AGPAT4: variants seen among roughly 807,000 people sequenced by gnomAD.
AGPAT4 encodes the protein 1-acyl-sn-glycerol-3-phosphate acyltransferase delta.
AGPAT4 carries 15 observed loss-of-function variants against 48.0 expected under a neutral mutation model. The ratio of observed to expected loss-of-function variants is 0.31; its 90% CI spans 0.21 to 0.48. The LOEUF is 0.48. Among genes scored for constraint, AGPAT4 ranks in the 20% least tolerant of loss-of-function variants. AGPAT4 has a pLI of 0.99. For synonymous variants in AGPAT4, 178 were observed against 198.7 expected, an observed-to-expected ratio of 0.90 and a Z score of 0.88; for missense variants, 314 against 482.5, an observed-to-expected ratio of 0.65 and a Z score of 3.27.
chr6:161,239,342 G>A (rs113109509), intron 1 of AGPAT4, among the ~76,000 whole-genome samples: 10 of 152,312 alleles, frequency 6.6e-5, no homozygotes, highest in African/African-American at 1.9e-4. Flanking sequence ...TAGGCAACAA[G>A]ATATCCTTAG....
intron 5 of AGPAT4, among the ~76,000 whole-genome samples, chr6:161,151,386 G>A (rs1259572112): frequency 2.6e-5 from 4 of 152,232 alleles, no homozygotes; most frequent in South Asian, 2.1e-4. Flanking sequence ...TTAACTCTCC[G>A]TGATGAACAG....
Position 161,270,600 on chromosome 6 carries a change from CT to C in AGPAT4, c.-90+3337del, listed in dbSNP as rs1783393034. The stretch of plus-strand genomic sequence containing the variant: ...CCTGGCCAATACAGTGAAATTCTAT[CT>C]CTACTAAAAATACAAAAAAATAAAA... On this transcript the variant is annotated intron_variant, in intron 1 of 8. Coordinates refer to ENST00000320285, the MANE Select transcript of AGPAT4 (RefSeq NM_020133.3). The surrounding 1 kb of genome is among the most constrained non-coding windows in gnomAD (Gnocchi z 5.3). 6.6e-6 allele frequency among the ~76,000 whole-genome samples: 1 copy of C among 152,050 alleles called. No individual in the cohort carries two copies. The highest frequency in any genetic ancestry group is 2.1e-4 in the South Asian group (1 of 4,828).
At chr6:161,256,728 T>A (rs1682443625) in intron 1 of AGPAT4, among the ~76,000 whole-genome samples, 2 of 152,204 alleles carry the variant, frequency 1.3e-5, no homozygotes, top group Non-Finnish European at 2.9e-5. Context: ...AGAAATCTGG[T>A]GGATTGCCAA....
At position 161,140,161 on chromosome 6, in the gene AGPAT4, C is replaced by T. The variant is rs1288005763; in HGVS notation, c.844-541G>A. Among the ~76,000 whole-genome samples the T allele has an allele frequency of 6.6e-6, 1 of 152,052 alleles. No homozygotes were observed. Among genetic ancestry groups the T allele is most frequent in the Non-Finnish European group, 1.5e-5 (1 of 67,962 alleles). ...TCGGGCAGCCCACCCGCACCTACCACCCTGTTTGCCACTGGAGGGCTCTGA... is the reference window on the plus strand; with the variant it reads ...TCGGGCAGCCCACCCGCACCTACCATCCTGTTTGCCACTGGAGGGCTCTGA... On this transcript the variant is annotated intron_variant, in intron 7 of 8. Coordinates refer to ENST00000320285, the MANE Select transcript of AGPAT4 (RefSeq NM_020133.3). This position sits in a 1 kb window ranked among gnomAD's most constrained non-coding sequence, Gnocchi z 6.5.
At position 161,264,012 on chromosome 6, in the gene AGPAT4, T is replaced by C. The variant is rs1272767737; in HGVS notation, c.-90+9926A>G. On this transcript the variant is annotated intron_variant, in intron 1 of 8. Coordinates refer to ENST00000320285, the MANE Select transcript of AGPAT4 (RefSeq NM_020133.3). The surrounding 1 kb of genome is among the most constrained non-coding windows in gnomAD (Gnocchi z 6.8). ...TTTCAAATTAGATTAGAGAAAATAA[T>C]TGGCAACCCACAGGGCTGGGGGCAA... 2.6e-5 allele frequency among the ~76,000 whole-genome samples: 4 copies of C among 152,082 alleles called. No individual in the cohort carries two copies. Among genetic ancestry groups the C allele is most frequent in the African/African-American group, 7.2e-5 (3 of 41,404 alleles).
In AGPAT4 at chr6:161,259,592, C is replaced by G. The variant is rs1363389260; in HGVS notation, c.-90+14346G>C. 6.6e-6 allele frequency among the ~76,000 whole-genome samples: 1 copy of G among 151,980 alleles called. No homozygotes were observed. The highest frequency in any genetic ancestry group is 1.5e-5 in the Non-Finnish European group (1 of 67,992). Reference sequence around the variant, plus strand: ...GGCTACAGCATTTGCCAGGCCTGGTCAAAATGAGAATGTGGGGTTCCTTCT... The same window carrying G: ...GGCTACAGCATTTGCCAGGCCTGGTGAAAATGAGAATGTGGGGTTCCTTCT... On this transcript the variant is annotated intron_variant, in intron 1 of 8. Transcript: ENST00000320285. This position sits in a 1 kb window ranked among gnomAD's most constrained non-coding sequence, Gnocchi z 4.9.
intron 2 of AGPAT4, among the ~76,000 whole-genome samples, chr6:161,167,764 G>C (rs904341288): frequency 6.6e-6 from 1 of 152,214 alleles, no homozygotes; most frequent in Non-Finnish European, 1.5e-5. Flanking sequence ...TACGCAGTGA[G>C]CACTGCGGGA....
In AGPAT4 at chr6:161,214,989, G is replaced by A. The variant is rs1781606714; in HGVS notation, c.178+17047C>T. On this transcript the variant is annotated intron_variant, in intron 2 of 8. Coordinates refer to ENST00000320285, the MANE Select transcript of AGPAT4 (RefSeq NM_020133.3). The surrounding 1 kb of genome is among the most constrained non-coding windows in gnomAD (Gnocchi z 5.4). ...GACAAAGGCAACAGGCCCATCTGCA[G>A]TTTCAAAAAATCAGACCATATCCAG... is the stretch of plus-strand genomic sequence containing the variant. 6.6e-6 allele frequency among the ~76,000 whole-genome samples: 1 copy of A among 152,118 alleles called. No homozygotes were observed. The highest frequency in any genetic ancestry group is 6.5e-5 in the Admixed American group (1 of 15,278).
chr6:161,155,243 C>T lies in AGPAT4; in HGVS notation c.349-933G>A, dbSNP rs991093248. On this transcript the variant is annotated intron_variant, in intron 3 of 8. Coordinates refer to ENST00000320285, the MANE Select transcript of AGPAT4 (RefSeq NM_020133.3). The surrounding 1 kb of genome is among the most constrained non-coding windows in gnomAD (Gnocchi z 5.8). ...AAGACCAGGGCTTCAGTGGGATGGA[C>T]GGGGCAGTGGAGACACAAAAACTGC... is the stretch of plus-strand genomic sequence containing the variant. 5.3e-5 allele frequency among the ~76,000 whole-genome samples: 8 copies of T among 152,184 alleles called. No homozygotes were observed. The highest frequency in any genetic ancestry group is 1.3e-4 in the Admixed American group (2 of 15,290).
At chr6:161,167,403 T>C (rs1780134177) in intron 2 of AGPAT4, among the ~76,000 whole-genome samples, 1 of 152,192 alleles carries the variant, frequency 6.6e-6, no homozygotes, top group Non-Finnish European at 1.5e-5. Context: ...TTTTTTTGTA[T>C]TTTTTGTAAA....
At position 161,209,170 on chromosome 6, in the gene AGPAT4, G is replaced by GT. The variant is rs1187213315; in HGVS notation, c.178+22865dup. On this transcript the variant is annotated intron_variant, in intron 2 of 8. Coordinates refer to ENST00000320285, the MANE Select transcript of AGPAT4 (RefSeq NM_020133.3). ...AGTGGAACTTTGATGAGTGACATGAGTTCCCCCACTCCAGCACCCTCTGGA... is the reference window on the plus strand; with the variant it reads ...AGTGGAACTTTGATGAGTGACATGAGTTTCCCCCACTCCAGCACCCTCTGGA... Among the ~76,000 whole-genome samples the GT allele has an allele frequency of 6.6e-5, 10 of 152,176 alleles. No homozygotes were observed. The East Asian group carries it at 1.9e-3, about 29-fold the overall frequency.
Position 161,141,768 on chromosome 6 carries a change from A to G in AGPAT4, c.844-2148T>C, listed in dbSNP as rs1441274262. On this transcript the variant is annotated intron_variant, in intron 7 of 8. Coordinates refer to ENST00000320285, the MANE Select transcript of AGPAT4 (RefSeq NM_020133.3). The surrounding 1 kb of genome is among the most constrained non-coding windows in gnomAD (Gnocchi z 6.7). ...CCTTTTCTGTCTTGTTTCCAGAAAG[A>G]CATTTGCTAGGCCAAGATTGTTTTA... Among the ~76,000 whole-genome samples, 2 of 152,200 alleles carry G rather than the reference A, an allele frequency of 1.3e-5. No homozygotes were observed. The highest frequency in any genetic ancestry group is 2.4e-5 in the African/African-American group (1 of 41,456).
At chr6:161,250,196 C>T (rs6913460) in intron 1 of AGPAT4, among the ~76,000 whole-genome samples, 29,094 of 151,914 alleles carry the variant, frequency 0.19, 3,023 homozygotes, top group Admixed American at 0.31. Flanking sequence ...TATCAGATGG[C>T]GGAGGGTGGG....
rs1419198449 is a variant in AGPAT4, at chr6:161,149,339, T to C, written c.665-50A>G. ...AGCAGTATATAGCGTGTGAACCCAA[T>C]TTTGTTCTGTAGATACACACATTGG... On this transcript the variant is annotated intron_variant, in intron 5 of 8. Transcript: ENST00000320285. The surrounding 1 kb of genome is among the most constrained non-coding windows in gnomAD (Gnocchi z 6.5). 2.6e-6 allele frequency: 4 copies of C among 1,527,990 alleles called. No individual in the cohort carries two copies. The highest frequency in any genetic ancestry group is 1.4e-5 in the African/African-American group (1 of 72,696). The allele number at this position is 1,527,990 out of a possible 1,614,324, so 94.7% of individuals were successfully genotyped here. A position where few individuals can be genotyped will look rare whatever the true frequency, so the allele number is the denominator to read the frequency against.
At chr6:161,153,556 G>A (rs1022186514) in intron 4 of AGPAT4, 57 bp from the exon 5 acceptor site, 7 of 1,589,592 alleles carry the variant, frequency 4.4e-6, no homozygotes, top group South Asian at 3.4e-5. Context: ...CAGCCCTGGG[G>A]TCATGCATGG....
chr6:161,166,504 T>A lies in AGPAT4; in HGVS notation c.179-87A>T. On this transcript the variant is annotated intron_variant, in intron 2 of 8. Transcript: ENST00000320285. The surrounding 1 kb of genome is among the most constrained non-coding windows in gnomAD (Gnocchi z 6.7). ...GAGAGCAGGGCTCTGCCCTCCCAGC[T>A]AGGGGAGAAAGCAACTTCTACGGGC... 1 of 1,466,200 alleles carries A rather than the reference T, an allele frequency of 6.8e-7. No individual in the cohort carries two copies. Among genetic ancestry groups the A allele is most frequent in the Non-Finnish European group, 9.1e-7 (1 of 1,096,320 alleles). The allele number at this position is 1,466,200 out of a possible 1,614,324, so 90.8% of individuals were successfully genotyped here.
At chr6:161,269,338 A>C (rs961610468) in intron 1 of AGPAT4, among the ~76,000 whole-genome samples, 1 of 152,222 alleles carries the variant, frequency 6.6e-6, no homozygotes, top group Non-Finnish European at 1.5e-5. Context: ...AGGTACAAAA[A>C]ATATATAAAA....
In AGPAT4 at chr6:161,154,374, T is replaced by C. The variant is rs1779702830; in HGVS notation, c.349-64A>G. ...ACGTCAGAGCCACCTGCCGGGGCTG[T>C]TGGAGACTGAAGTAGAAAAAGAGGA... On this transcript the variant is annotated intron_variant, in intron 3 of 8. Coordinates refer to ENST00000320285, the MANE Select transcript of AGPAT4 (RefSeq NM_020133.3). The surrounding 1 kb of genome is among the most constrained non-coding windows in gnomAD (Gnocchi z 7.8). 6.3e-7 allele frequency: 1 copy of C among 1,594,290 alleles called. No individual in the cohort carries two copies. The highest frequency in any genetic ancestry group is 8.6e-7 in the Non-Finnish European group (1 of 1,167,742).
rs996024207 is a variant in AGPAT4, at chr6:161,137,827, G to A, written c.1043-1193C>T. On this transcript the variant is annotated intron_variant, in intron 8 of 8. Transcript: ENST00000320285. The surrounding 1 kb of genome is among the most constrained non-coding windows in gnomAD (Gnocchi z 6.1). ...CCTCAGATGCTCCTGAAGACTCCCTGTGTCCACACTGCACCCCTCAGATGC... is the reference window on the plus strand; with the variant it reads ...CCTCAGATGCTCCTGAAGACTCCCTATGTCCACACTGCACCCCTCAGATGC... Among the ~76,000 whole-genome samples, 4 of 151,730 alleles carry A rather than the reference G, an allele frequency of 2.6e-5. No homozygotes were observed. Among genetic ancestry groups the A allele is most frequent in the African/African-American group, 4.8e-5 (2 of 41,262 alleles).
Sources: allele counts gnomAD v4.1 joint callset (sites outside exome capture counted in the v4.1 genomes callset), GRCh38; gene constraint gnomAD v4.1.1; non-coding constraint Gnocchi (gnomAD v3.1); transcripts MANE v1.5; gene names NCBI Gene and HGNC (gene_info 2026-07-23, HGNC 2026-07-21).